PWWP2A: variants seen among roughly 807,000 people sequenced by gnomAD.
PWWP2A encodes PWWP domain containing 2A, also known as PWWP domain-containing protein 2A.
A neutral mutation model predicts 48.5 loss-of-function variants in PWWP2A; 18 were observed. The observed-to-expected ratio is 0.37, with a 90% confidence interval of 0.26 to 0.55. PWWP2A has a LOEUF of 0.55. Ranked by LOEUF, PWWP2A falls within the 20% of genes least tolerant of loss-of-function variation. PWWP2A has a pLI of 0.81. For synonymous variants in PWWP2A, 396 were observed against 387.7 expected (o/e 1.02, Z -0.25); for missense variants, 867 against 976.4 (o/e 0.89, Z 1.49).
chr5:160,064,727 A>T (rs908840362), intron 4 of PWWP2A, among the ~76,000 whole-genome samples: 1 of 152,196 alleles, frequency 6.6e-6, no homozygotes, highest in Non-Finnish European at 1.5e-5. Context: ...CTGAGGGTGG[A>T]TGGCATTAAA....
At chr5:160,114,027 A>C (rs1407671888) in intron 1 of PWWP2A, among the ~76,000 whole-genome samples, 1 of 152,226 alleles carries the variant, frequency 6.6e-6, no homozygotes, top group Admixed American at 6.5e-5. Context: ...CTAAAGCATG[A>C]GGTACAATGT....
At chr5:160,061,279 T>C (rs1386919976), downstream of PWWP2A, among the ~76,000 whole-genome samples, 1 of 152,240 alleles carries the variant, frequency 6.6e-6, no homozygotes, top group Non-Finnish European at 1.5e-5. Flanking sequence ...TAGACAAAGA[T>C]AGACCAAATC....
downstream of PWWP2A, among the ~76,000 whole-genome samples, chr5:160,056,806 C>T (rs751824375): frequency 1.3e-4 from 20 of 152,062 alleles, no homozygotes; most frequent in Middle Eastern, 3.2e-3. Context: ...CATGTCATTG[C>T]CAAGTTCAGC....
At chr5:160,065,189 A>G in intron 4 of PWWP2A, 1 of 1,306,806 alleles carries the variant, frequency 7.7e-7, no homozygotes, top group Non-Finnish European at 1.1e-6. Context: ...GCTATCCAGT[A>G]GAGCCCAGTG....
At chr5:160,050,999 GATCA>G in the PWWP2A span, 1 of 646,150 alleles carries the variant, frequency 1.5e-6, no homozygotes, top group South Asian at 2.5e-5. Context: ...TATTTAATAG[GATCA>G]TAGACATACT....
chr5:160,092,874 T>C lies in PWWP2A; in HGVS notation c.1776A>G (p.Lys592=). ...VCSIDSTDDL[K]SSNSECSSSE... ...AAGAACTACACTCAGAGTTGGAAGA[T>C]TTCAAATCATCTGTGCTATCAATGC... is the stretch of plus-strand genomic sequence containing the variant. Residue 592 remains lysine, a synonymous_variant, in exon 2 of 2, where the codon AAA becomes AAG. Coordinates refer to ENST00000307063, the MANE Select transcript of PWWP2A (RefSeq NM_001130864.2). 6.4e-7 allele frequency: 1 copy of C among 1,551,704 alleles called. No homozygotes were observed. Among genetic ancestry groups the C allele is most frequent in the African/African-American group, 1.4e-5 (1 of 73,168 alleles).
At chr5:160,066,229 T>C (rs1244338463) in intron 4 of PWWP2A, among the ~76,000 whole-genome samples, 1 of 151,346 alleles carries the variant, frequency 6.6e-6, no homozygotes, top group African/African-American at 2.4e-5. Context: ...TGTGGAATGC[T>C]GGATGGTCTG....
At position 160,092,027 on chromosome 5, in the gene PWWP2A, C is replaced by CAT. The variant is rs1454312512; in HGVS notation, c.*354_*355insAT. The CAT allele has an allele frequency of 3.1e-5, 9 of 287,882 alleles. No individual in the cohort carries two copies. The highest frequency in any genetic ancestry group is 3.8e-4 in the East Asian group (2 of 5,278). The allele number at this position is 287,882 out of a possible 1,614,324, so 17.8% of individuals were successfully genotyped here. A position where few individuals can be genotyped will look rare whatever the true frequency, so the allele number is the denominator to read the frequency against. ...ATACATACACGGATATATATATATA[C>CAT]ACACACACACACGTATATATATGTA... On this transcript the variant is annotated 3_prime_UTR_variant, in exon 2 of 2. Transcript: ENST00000307063.
chr5:160,070,227 G>A (rs1049131715), intron 2 of PWWP2A, among the ~76,000 whole-genome samples: 1 of 152,170 alleles, frequency 6.6e-6, no homozygotes, highest in African/African-American at 2.4e-5. Flanking sequence ...AACACTTTGG[G>A]AGGCAGAGGC....
At position 160,118,700 on chromosome 5, in the gene PWWP2A, C is replaced by T. The variant is rs1049588823; in HGVS notation, c.584+105G>A. The stretch of plus-strand genomic sequence containing the variant: ...CGCCGCGCAGGACCAGAGGGCGGGG[C>T]CCCGGGCAGCGGGGAAGCGAGGGCT... On this transcript the variant is annotated intron_variant, in intron 1 of 1. Coordinates refer to ENST00000307063, the MANE Select transcript of PWWP2A (RefSeq NM_001130864.2). The T allele has an allele frequency of 6.0e-6, 7 of 1,162,308 alleles. No individual in the cohort carries two copies. In the African/African-American group the frequency reaches 6.5e-5, roughly 11 times the overall value. The allele number at this position is 1,162,308 out of a possible 1,614,324, so 72.0% of individuals were successfully genotyped here. A position where few individuals can be genotyped will look rare whatever the true frequency, so the allele number is the denominator to read the frequency against.
intron 1 of PWWP2A, 75 bp downstream of exon 1, chr5:160,118,730 G>A (rs1758400345): frequency 5.3e-6 from 7 of 1,317,692 alleles, no homozygotes; most frequent in Middle Eastern, 2.4e-4. Flanking sequence ...AGGGCTCGGG[G>A]AGAGGGGGCC....
At chr5:160,107,902 G>A (rs1361697114) in intron 1 of PWWP2A, among the ~76,000 whole-genome samples, 2 of 152,114 alleles carry the variant, frequency 1.3e-5, no homozygotes, top group Admixed American at 1.3e-4. Context: ...TAGGAAGGCT[G>A]AGGCACAAGA....
chr5:160,105,750 G>A (rs1446049961), intron 1 of PWWP2A: 1 of 403,730 alleles, frequency 2.5e-6, no homozygotes, highest in African/African-American at 2.2e-5. Flanking sequence ...ACTCCAGACT[G>A]GGTGACAGAA....
At chr5:160,094,235 GA>G (rs1358480160) in intron 1 of PWWP2A, among the ~76,000 whole-genome samples, 170 bp from the exon 2 acceptor site, 2 of 152,086 alleles carry the variant, frequency 1.3e-5, no homozygotes, top group African/African-American at 4.8e-5. Flanking sequence ...AAAGTTCAAA[GA>G]CCTTCATTTC....
chr5:160,073,786 C>T (rs1015380868), downstream of PWWP2A, among the ~76,000 whole-genome samples: 25 of 151,548 alleles, frequency 1.6e-4, no homozygotes, highest in Non-Finnish European at 2.4e-4. Flanking sequence ...CATTCCAAGC[C>T]GGGTGCGGTG....
chr5:160,109,291 C>A (rs1285114611), intron 1 of PWWP2A, among the ~76,000 whole-genome samples: 1 of 151,574 alleles, frequency 6.6e-6, no homozygotes, highest in Non-Finnish European at 1.5e-5. Flanking sequence ...GCTACACAAG[C>A]ATTTTCGAGC....
Position 160,069,010 on chromosome 5 carries a change from G to A in PWWP2A, c.*80-2139C>T, listed in dbSNP as rs371188224. ...TTACTTGCTATTTTTTCTCAGCGGC[G>A]CACAGTGGCTCAGGGCCTGTAATCC... On this transcript the variant is annotated intron_variant and NMD_transcript_variant, in intron 2 of 5. Transcript: ENST00000524050. Among the ~76,000 whole-genome samples, 8 of 152,072 alleles carry A rather than the reference G, an allele frequency of 5.3e-5. No homozygotes were observed. The East Asian group carries it at 5.8e-4, about 11-fold the overall frequency.
At position 160,119,273 on chromosome 5, in the gene PWWP2A, G is replaced by T. The variant is rs558980177; in HGVS notation, c.116C>A (p.Pro39His). The T allele has an allele frequency of 2.1e-6, 3 of 1,398,752 alleles. No individual in the cohort carries two copies. The highest frequency in any genetic ancestry group is 2.8e-6 in the Non-Finnish European group (3 of 1,086,128). The allele number at this position is 1,398,752 out of a possible 1,614,324, so 86.6% of individuals were successfully genotyped here. Reference protein sequence around the residue: ...PIPGSEAGTDPLPVTATEASV... With the variant: ...PIPGSEAGTDHLPVTATEASV... ...CGCTTCAGTGGCCGTGACCGGGAGG[G>T]GGTCAGTGCCGGCCTCACTGCCGGG... The change falls in exon 1 of 2, where the codon CCC becomes CAC. Residue 39 changes from proline to histidine, a missense_variant. Transcript: ENST00000307063.
At chr5:160,114,998 G>A (rs1457241616) in intron 1 of PWWP2A, among the ~76,000 whole-genome samples, 1 of 151,722 alleles carries the variant, frequency 6.6e-6, no homozygotes, top group Admixed American at 6.6e-5. Context: ...TTAGCCAGGC[G>A]TGCTGGCATG....
Sources: gnomAD v4.1 joint callset for allele counts (sites outside exome capture counted in the v4.1 genomes callset) on GRCh38, gnomAD v4.1.1 for gene constraint, MANE v1.5 for transcripts, NCBI Gene and HGNC (gene_info 2026-07-23, HGNC 2026-07-21) for gene names.